APPBP2: variants seen among roughly 807,000 people sequenced by gnomAD.
APPBP2 encodes amyloid protein-binding protein 2.
Under a neutral mutation model 76.0 loss-of-function variants are expected in APPBP2, and 15 were observed. The ratio of observed to expected loss-of-function variants is 0.20; its 90% CI spans 0.13 to 0.30. The LOEUF is 0.30. Ranked by LOEUF, APPBP2 falls within the 10% of genes least tolerant of loss-of-function variation. The pLI is 1.00. For synonymous variants in APPBP2, 222 were observed against 242.2 expected, an observed-to-expected ratio of 0.92 and a Z score of 0.77; for missense variants, 401 against 687.2, an observed-to-expected ratio of 0.58 and a Z score of 4.66.
At chr17:60,509,210 T>A (rs900986072) in intron 1 of APPBP2, among the ~76,000 whole-genome samples, 21 of 151,722 alleles carry the variant, frequency 1.4e-4, no homozygotes, top group Middle Eastern at 3.4e-3. Context: ...TGAAACCCCA[T>A]CTCTAATAAA....
At chr17:60,511,822 A>G (rs1384488251) in intron 1 of APPBP2, among the ~76,000 whole-genome samples, 2 of 152,064 alleles carry the variant, frequency 1.3e-5, no homozygotes, top group African/African-American at 4.8e-5. Context: ...TCCTTTTCTT[A>G]TTGATTTGCA....
At chr17:60,484,387 G>A (rs201016510) in intron 3 of APPBP2, among the ~76,000 whole-genome samples, 1 of 152,056 alleles carries the variant, frequency 6.6e-6, no homozygotes, top group Non-Finnish European at 1.5e-5. Flanking sequence ...ATTTGTTTGT[G>A]TCCTCTTTTA....
At chr17:60,513,281 C>T in intron 1 of APPBP2, 1 of 474,034 alleles carries the variant, frequency 2.1e-6, no homozygotes, top group South Asian at 2.7e-5. Context: ...AATCACAGCT[C>T]AATCAATGTA....
chr17:60,461,504 T>C (rs7215368), intron 8 of APPBP2: 13,774 of 250,250 alleles, frequency 0.055, 1,837 homozygotes, highest in African/African-American at 0.28. Context: ...ACAAAGGCAG[T>C]TTTAGTGACA....
intron 1 of APPBP2, among the ~76,000 whole-genome samples, chr17:60,518,123 T>A (rs1469139468): frequency 1.3e-5 from 2 of 150,816 alleles, no homozygotes; most frequent in Non-Finnish European, 2.9e-5. Flanking sequence ...AGTAGCATGA[T>A]CTTGGCTCAC....
intron 4 of APPBP2, among the ~76,000 whole-genome samples, chr17:60,472,442 GTGTTCAAC>G (rs1298162346): frequency 9.2e-5 from 14 of 152,136 alleles, no homozygotes; most frequent in African/African-American, 3.1e-4. Flanking sequence ...TAATTCACTG[GTGTTCAAC>G]TGTTCATAGG....
chr17:60,444,909 CAGGGCTTCCTT>C lies in APPBP2; in HGVS notation c.*2661_*2671del, dbSNP rs1421014173. The C allele has an allele frequency of 6.6e-6, 1 of 152,174 alleles. No homozygotes were observed. Among genetic ancestry groups the C allele is most frequent in the African/African-American group, 2.4e-5 (1 of 41,362 alleles). 9.4% of individuals were successfully genotyped at this position (152,174 alleles called of 1,614,324 possible). The stretch of plus-strand genomic sequence containing the variant: ...CCTCCAGAAAAATCTTTAAGTTGGC[CAGGGCTTCCTT>C]ACGCACCTCACCATATGTAAAAAGT... On this transcript the variant is annotated 3_prime_UTR_variant, in exon 13 of 13. Transcript: ENST00000083182.
intron 3 of APPBP2, among the ~76,000 whole-genome samples, chr17:60,480,689 A>G (rs779699674): frequency 6.6e-6 from 1 of 152,130 alleles, no homozygotes; most frequent in Non-Finnish European, 1.5e-5. Flanking sequence ...AACATATTGT[A>G]TATTGTGCTG....
At chr17:60,478,571 ATATT>A (rs2143378085) in intron 4 of APPBP2, among the ~76,000 whole-genome samples, 1 of 152,344 alleles carries the variant, frequency 6.6e-6, no homozygotes, top group South Asian at 2.1e-4. Flanking sequence ...CATTCAATAA[ATATT>A]TGTTGAATGA....
chr17:60,488,046 T>G (rs768514356), intron 3 of APPBP2, among the ~76,000 whole-genome samples: 3 of 152,104 alleles, frequency 2.0e-5, no homozygotes, highest in Non-Finnish European at 4.4e-5. Flanking sequence ...ACAGCAAATA[T>G]TGCAGAACAG....
In APPBP2 at chr17:60,443,513, T is replaced by C. The variant is rs1306811030; in HGVS notation, c.*4068A>G. 3.3e-5 allele frequency: 5 copies of C among 152,668 alleles called. No individual in the cohort carries two copies. The highest frequency in any genetic ancestry group is 7.3e-5 in the Non-Finnish European group (5 of 68,040). 9.5% of individuals were successfully genotyped at this position (152,668 alleles called of 1,614,324 possible). On this transcript the variant is annotated 3_prime_UTR_variant, in exon 13 of 13. Transcript: ENST00000083182. ...GCTTAATAAAGTATAAAAATAGTAC[T>C]GACCTGGTAATATTTAATAAAACGT... is the stretch of plus-strand genomic sequence containing the variant.
At chr17:60,522,861 C>T (rs2091021115) in intron 1 of APPBP2, among the ~76,000 whole-genome samples, 1 of 146,234 alleles carries the variant, frequency 6.8e-6, no homozygotes, top group Admixed American at 6.8e-5. Context: ...GTCTTCCATT[C>T]TTTTTTTTTT....
chr17:60,459,583 C>G (rs1315751169), intron 9 of APPBP2: 2 of 150,234 alleles, frequency 1.3e-5, no homozygotes, highest in African/African-American at 4.9e-5. Context: ...ACCTCCACCT[C>G]TTGGGTTCAA....
Position 60,443,551 on chromosome 17 carries a change from C to T in APPBP2, c.*4030G>A, listed in dbSNP as rs2090319718. ...TTTAATAAAACGTAGCATTCATTCACATCATAAAAGTAGAACTGAAAAGTT... is the reference window on the plus strand; with the variant it reads ...TTTAATAAAACGTAGCATTCATTCATATCATAAAAGTAGAACTGAAAAGTT... On this transcript the variant is annotated 3_prime_UTR_variant, in exon 13 of 13. Coordinates refer to ENST00000083182, the MANE Select transcript of APPBP2 (RefSeq NM_006380.5). 1 of 152,588 alleles carries T rather than the reference C, an allele frequency of 6.6e-6. No individual in the cohort carries two copies. Among genetic ancestry groups the T allele is most frequent in the Non-Finnish European group, 1.5e-5 (1 of 68,032 alleles). 9.5% of individuals were successfully genotyped at this position (152,588 alleles called of 1,614,324 possible).
chr17:60,508,325 C>G (rs2090885818), intron 1 of APPBP2, among the ~76,000 whole-genome samples: 1 of 152,112 alleles, frequency 6.6e-6, no homozygotes, highest in South Asian at 2.1e-4. Context: ...AGCAATATGG[C>G]ACATAGCACT....
In APPBP2 at chr17:60,454,436, G is replaced by C; in HGVS notation, c.1204C>G (p.Leu402Val). 4 of 1,609,750 alleles carry C rather than the reference G, an allele frequency of 2.5e-6. No homozygotes were observed. The highest frequency in any genetic ancestry group is 3.4e-6 in the Non-Finnish European group (4 of 1,178,458). Residue 402 changes from leucine to valine, a missense_variant, in exon 11 of 13, where the codon CTG becomes GTG. Leu to Val is a conservative substitution (Grantham distance 32). This residue lies in a region of APPBP2 where 130 missense variants were observed against 322.7 expected (regional missense o/e 0.40). Coordinates refer to ENST00000083182, the MANE Select transcript of APPBP2 (RefSeq NM_006380.5). ...DCHNKETEQR[L>V]LQEAHDLHLS... Reference sequence around the variant, plus strand: ...TGCAAATCATGAGCTTCTTGAAGCAGCCTCTGTTCAGTTTCCTTATTATGA... The same window carrying C: ...TGCAAATCATGAGCTTCTTGAAGCACCCTCTGTTCAGTTTCCTTATTATGA...
intron 9 of APPBP2, among the ~76,000 whole-genome samples, chr17:60,458,769 GGTTTTTTTTTTT>G (rs941235034): frequency 4.1e-5 from 6 of 147,988 alleles, no homozygotes; most frequent in South Asian, 2.1e-4. Flanking sequence ...AAGAAGTTCT[GGTTTTTTTTTTT>G]GTTTTTTTTT....
At chr17:60,506,017 C>T (rs1277121147) in intron 1 of APPBP2, among the ~76,000 whole-genome samples, 2 of 149,564 alleles carry the variant, frequency 1.3e-5, no homozygotes, top group East Asian at 3.9e-4. Flanking sequence ...GACAGTCTGG[C>T]CTCTGTCTCA....
In APPBP2 at chr17:60,467,492, A is replaced by C. The variant is rs2090520125; in HGVS notation, c.504-1033T>G. 2.0e-5 allele frequency among the ~76,000 whole-genome samples: 3 copies of C among 152,258 alleles called. No individual in the cohort carries two copies. In the South Asian group the frequency reaches 6.2e-4, roughly 31 times the overall value. On this transcript the variant is annotated intron_variant, in intron 4 of 12. Coordinates refer to ENST00000083182, the MANE Select transcript of APPBP2 (RefSeq NM_006380.5). ...ACTAATCAATAAAGTGATGACTACT[A>C]TACAATGCCAATGTGTATCCTCCCA...
Sources: allele counts gnomAD v4.1 joint callset (sites outside exome capture counted in the v4.1 genomes callset), GRCh38; gene constraint gnomAD v4.1.1; regional missense constraint gnomAD v4.1.1; transcripts MANE v1.5; gene names NCBI Gene and HGNC (gene_info 2026-07-23, HGNC 2026-07-21).